The following TBC1D2 variants were observed in gnomAD, a reference collection of about 807,000 sequenced individuals.
TBC1D2 encodes TBC1 domain family member 2, also known as TBC1 domain family member 2A.
Under a neutral mutation model 91.1 loss-of-function variants are expected in TBC1D2, and 58 were observed. That is an observed-to-expected ratio of 0.64 (90% CI 0.52 to 0.79). The LOEUF (loss-of-function observed/expected upper bound fraction) is 0.79, where lower values mean the gene tolerates loss of function less well. TBC1D2 is among the 30% of genes least tolerant of loss of function. TBC1D2 has a pLI of 0.00. For missense variants in TBC1D2, 1,080 were observed against 1,208.3 expected (o/e 0.89, Z 1.57); for synonymous variants, 482 against 511.5 (o/e 0.94, Z 0.78).
intron 9 of TBC1D2, among the ~76,000 whole-genome samples, chr9:98,206,758 T>A (rs930943189): frequency 6.6e-6 from 1 of 152,212 alleles, no homozygotes; most frequent in Non-Finnish European, 1.5e-5. Context: ...GACCCTCTCA[T>A]GTCTCATCTG....
chr9:98,225,785 T>C (rs7045158), intron 5 of TBC1D2, among the ~76,000 whole-genome samples: 66,761 of 152,142 alleles, frequency 0.44, 17,480 homozygotes, highest in African/African-American at 0.74. Flanking sequence ...CCCCACTAGA[T>C]GGTGAGGTGC....
chr9:98,221,080 A>T lies in TBC1D2; in HGVS notation c.1127T>A (p.Val376Glu). The change falls in exon 6 of 13, where the codon GTG becomes GAG. Residue 376 changes from valine to glutamate, a missense_variant. By Grantham distance (121) the Val-to-Glu change is moderately radical (BLOSUM62 -2). Transcript: ENST00000465784. ...VRQIAELGRRVEALEQERESL... is the reference protein window; with the variant it reads ...VRQIAELGRREEALEQERESL... Reference sequence around the variant, plus strand: ...CTCCCGCTCCTGCTCCAGGGCCTCCACCCGCCGGCCCAGCTCCGCGATCTG... The same window carrying T: ...CTCCCGCTCCTGCTCCAGGGCCTCCTCCCGCCGGCCCAGCTCCGCGATCTG... The T allele has an allele frequency of 6.4e-7, 1 of 1,571,984 alleles. No individual in the cohort carries two copies. The highest frequency in any genetic ancestry group is 8.6e-7 in the Non-Finnish European group (1 of 1,160,210).
chr9:98,213,078 A>C (rs1331911281), intron 7 of TBC1D2, 30 bp downstream of exon 7: 1 of 1,612,110 alleles, frequency 6.2e-7, no homozygotes, highest in South Asian at 1.1e-5. Flanking sequence ...CCAGGGATGG[A>C]GACGGCTGGA....
At chr9:98,226,352 G>T (rs1233030486) in intron 5 of TBC1D2, among the ~76,000 whole-genome samples, 2 of 152,218 alleles carry the variant, frequency 1.3e-5, no homozygotes, top group African/African-American at 4.8e-5. Flanking sequence ...TTGTAGGGCA[G>T]GAAGAGATTG....
intron 3 of TBC1D2, among the ~76,000 whole-genome samples, chr9:98,237,424 T>G (rs1829532674): frequency 6.6e-6 from 1 of 151,838 alleles, no homozygotes; most frequent in East Asian, 1.9e-4. Context: ...CCCCACTTAG[T>G]GCACCTTGCA....
intron 6 of TBC1D2, among the ~76,000 whole-genome samples, chr9:98,218,349 G>A (rs1340096281): frequency 6.6e-6 from 1 of 151,880 alleles, no homozygotes; most frequent in Non-Finnish European, 1.5e-5. Context: ...GGCAGATCAC[G>A]CGGTCAGGAG....
intron 9 of TBC1D2, among the ~76,000 whole-genome samples, chr9:98,205,691 T>G (rs1346785245): frequency 6.6e-6 from 1 of 151,994 alleles, no homozygotes; most frequent in African/African-American, 2.4e-5. Context: ...GCCACCACAC[T>G]TGGCTAGGTT....
intron 3 of TBC1D2, among the ~76,000 whole-genome samples, chr9:98,242,831 G>A (rs1244655375): frequency 6.2e-5 from 1 of 16,206 alleles, no homozygotes; most frequent in African/African-American, 3.0e-4. Flanking sequence ...TTTTTTTTTT[G>A]AGACAGGGTC....
chr9:98,237,800 G>A (rs1275829356), intron 3 of TBC1D2, among the ~76,000 whole-genome samples: 1 of 151,960 alleles, frequency 6.6e-6, no homozygotes, highest in Non-Finnish European at 1.5e-5. Flanking sequence ...TTTCTGTAAG[G>A]AAGCCACCAG....
intron 1 of TBC1D2, among the ~76,000 whole-genome samples, chr9:98,253,659 TCTTGTCTG>T (rs1265054361): frequency 6.6e-6 from 1 of 152,164 alleles, no homozygotes; most frequent in African/African-American, 2.4e-5. Flanking sequence ...CCTTTCTCCC[TCTTGTCTG>T]CTTGCCACCT....
intron 8 of TBC1D2, 75 bp from the exon 9 acceptor site, chr9:98,209,219 AC>A: frequency 1.4e-6 from 2 of 1,455,774 alleles, no homozygotes; most frequent in South Asian, 1.3e-5. Flanking sequence ...GACAGGGAGG[AC>A]CCCAGGCCAG....
intron 6 of TBC1D2, among the ~76,000 whole-genome samples, chr9:98,213,774 C>T (rs951585946): frequency 1.3e-5 from 2 of 152,214 alleles, no homozygotes; most frequent in African/African-American, 4.8e-5. Context: ...GGTGAATTTA[C>T]CAGAACTTAC....
At chr9:98,243,825 C>T (rs1295609105) in intron 3 of TBC1D2, among the ~76,000 whole-genome samples, 169 bp downstream of exon 3, 6 of 152,212 alleles carry the variant, frequency 3.9e-5, no homozygotes, top group Admixed American at 6.5e-5. Context: ...GCATAAGCCA[C>T]CACACCCGGC....
Position 98,255,168 on chromosome 9 carries a change from T to C in TBC1D2, c.369+5A>G, listed in dbSNP as rs1358495153. The C allele has an allele frequency of 6.3e-7, 1 of 1,596,202 alleles. No homozygotes were observed. Among genetic ancestry groups the C allele is most frequent in the Non-Finnish European group, 8.6e-7 (1 of 1,167,300 alleles). ...GGAAAGGAGAAAGTCGTTGCAGGAA[T>C]TTACCTTCAGGGTAATAACCCGGCT... On this transcript the variant is annotated splice_donor_5th_base_variant and intron_variant, in intron 1 of 12. Coordinates refer to ENST00000465784, the MANE Select transcript of TBC1D2 (RefSeq NM_001267571.2).
intron 8 of TBC1D2, among the ~76,000 whole-genome samples, chr9:98,209,762 T>TC (rs1828774072): frequency 7.1e-6 from 1 of 140,394 alleles, no homozygotes. Context: ...TTCCTTTCCT[T>TC]CCTTCCTTCC....
chr9:98,244,055 C>G lies in TBC1D2; in HGVS notation c.586G>C (p.Ala196Pro), dbSNP rs1399875535. 6.2e-7 allele frequency: 1 copy of G among 1,612,412 alleles called. No homozygotes were observed. Among genetic ancestry groups the G allele is most frequent in the Admixed American group, 1.7e-5 (1 of 59,746 alleles). ...TGAAGGGCAGGGAAGGGCTGCAAGG[C>G]AGCTGCCACGCCCACTAGCCCAGGG... ...TPPGLVGVAA[A>P]LQPFPALQNI... The change falls in exon 3 of 13, where the codon GCC (alanine) becomes CCC (proline). Residue 196 changes from alanine to proline, a missense_variant. Transcript: ENST00000465784.
intron 5 of TBC1D2, among the ~76,000 whole-genome samples, chr9:98,224,772 C>T (rs930326399): frequency 6.6e-6 from 1 of 152,128 alleles, no homozygotes; most frequent in South Asian, 2.1e-4. Context: ...GATGAAGGGG[C>T]ATGGGCTTTG....
In TBC1D2 at chr9:98,201,682, G is replaced by A. The variant is rs1828508702; in HGVS notation, c.2272-18C>T. ...TGGTCCACCTGGAAGCCAGCGAGAG[G>A]GCCTGTCATCTGCAGCCCCAGCGTA... is the stretch of plus-strand genomic sequence containing the variant. On this transcript the variant is annotated intron_variant, in intron 10 of 12. Transcript: ENST00000465784. 1 of 1,602,208 alleles carries A rather than the reference G, an allele frequency of 6.2e-7. No individual in the cohort carries two copies. Among genetic ancestry groups the A allele is most frequent in the African/African-American group, 1.3e-5 (1 of 74,766 alleles).
rs1160766477 is a variant in TBC1D2, at chr9:98,209,317, T to C, written c.1674-173A>G. Among the ~76,000 whole-genome samples the C allele has an allele frequency of 4.6e-5, 7 of 152,160 alleles. 1 individual carries two copies. The highest frequency in any genetic ancestry group is 1.5e-5 in the Non-Finnish European group (1 of 68,026). ...CCCAACCTCAGATTGCGAATCTGTA[T>C]AATGCATATGGGAATCCCTGCTCTG... On this transcript the variant is annotated intron_variant, in intron 8 of 12. Transcript: ENST00000465784.
Sources: allele counts gnomAD v4.1 joint callset (sites outside exome capture counted in the v4.1 genomes callset), GRCh38; gene constraint gnomAD v4.1.1; transcripts MANE v1.5; gene names NCBI Gene and HGNC (gene_info 2026-07-23, HGNC 2026-07-21).